Variants in SNAP91 observed in about 807,000 individuals in gnomAD.
SNAP91 encodes the protein synaptosome associated protein 91.
SNAP91 carries 27 observed loss-of-function variants against 100.3 expected under a neutral mutation model. The observed-to-expected ratio is 0.27, with a 90% confidence interval of 0.20 to 0.37. The LOEUF is 0.37. Among genes scored for constraint, SNAP91 ranks in the 10% least tolerant of loss-of-function variants. The pLI is 1.00. For synonymous variants in SNAP91, 404 were observed against 398.6 expected, an observed-to-expected ratio of 1.01 and a Z score of -0.16; for missense variants, 986 against 1,123.7, an observed-to-expected ratio of 0.88 and a Z score of 1.75.
intron 7 of SNAP91, among the ~76,000 whole-genome samples, chr6:83,651,148 T>C (rs1178388838): frequency 2.0e-5 from 3 of 152,184 alleles, no homozygotes; most frequent in African/African-American, 7.2e-5. Context: ...CTCTTTTTTT[T>C]CTTTGTCTGG....
At chr6:83,643,633 A>G (rs2097796434) in intron 7 of SNAP91, among the ~76,000 whole-genome samples, 1 of 152,208 alleles carries the variant, frequency 6.6e-6, no homozygotes, top group South Asian at 2.1e-4. Flanking sequence ...TATTTCATTC[A>G]GCATGTAATT....
At chr6:83,628,857 CTTTAG>C (rs142205869) in intron 8 of SNAP91, among the ~76,000 whole-genome samples, 6,203 of 152,054 alleles carry the variant, frequency 0.041, 173 homozygotes, top group Non-Finnish European at 0.066. Flanking sequence ...TGCAAAAATT[CTTTAG>C]TTTAATTAAG....
In SNAP91 at chr6:83,593,576, G is replaced by A. The variant is rs200557175; in HGVS notation, c.1598C>T (p.Ala533Val). ...PSPAPAVAAA[A>V]AATTAATAAA... ...GGCGGTGGCAGCAGTAGTGGCAGCA[G>A]CAGCAGCTGCAACGGCAGGAGCAGG... Residue 533 changes from alanine (A) to valine (V), a missense_variant, in exon 18 of 30, where the codon GCT (alanine) becomes GTT (valine). By Grantham distance (64) the Ala-to-Val change is moderately conservative. This residue lies in a region of SNAP91 where 575 missense variants were observed against 579.9 expected (regional missense o/e 0.99). Coordinates refer to ENST00000369694, the MANE Select transcript of SNAP91 (RefSeq NM_001242792.2). 1.9e-6 allele frequency: 3 copies of A among 1,559,220 alleles called. No individual in the cohort carries two copies. Among genetic ancestry groups the A allele is most frequent in the Admixed American group, 1.9e-5 (1 of 51,536 alleles).
In SNAP91 at chr6:83,661,563, A is replaced by G. The variant is rs372073257; in HGVS notation, c.391T>C (p.Leu131=). 48 of 1,610,992 alleles carry G rather than the reference A, an allele frequency of 3.0e-5. No homozygotes were observed. The highest frequency in any genetic ancestry group is 3.9e-5 in the Non-Finnish European group (46 of 1,178,472). The part of the protein sequence containing the change: ...STFIRRYSRY[L]NEKAFSYRQM... Reference sequence around the variant, plus strand: ...CTGTAAGAAAAAGCCTTTTCATTCAAATATCTACTATAGCGCCTTATGAAG... The same window carrying G: ...CTGTAAGAAAAAGCCTTTTCATTCAGATATCTACTATAGCGCCTTATGAAG... The change falls in exon 5 of 30, where the codon TTG becomes CTG. Residue 131 remains leucine (L), a synonymous_variant. Coordinates refer to ENST00000369694, the MANE Select transcript of SNAP91 (RefSeq NM_001242792.2).
In SNAP91 at chr6:83,571,815, C is replaced by A. The variant is rs548785635; in HGVS notation, c.2442+3195G>T. ...GATATGGTTTGGCTGTGTCACCACC[C>A]AAATCTTATCTTGAATTCCCATGTG... is the stretch of plus-strand genomic sequence containing the variant. On this transcript the variant is annotated intron_variant, in intron 26 of 29. Coordinates refer to ENST00000369694, the MANE Select transcript of SNAP91 (RefSeq NM_001242792.2). Among the ~76,000 whole-genome samples the A allele has an allele frequency of 2.6e-5, 4 of 152,256 alleles. No individual in the cohort carries two copies. The South Asian group carries it at 8.3e-4, about 32-fold the overall frequency.
chr6:83,671,085 C>G (rs1030532327), intron 2 of SNAP91, among the ~76,000 whole-genome samples: 2 of 151,908 alleles, frequency 1.3e-5, no homozygotes, highest in Non-Finnish European at 2.9e-5. Flanking sequence ...TATGTTGACC[C>G]TATAGATCAA....
chr6:83,702,942 G>GTC (rs1359100813), intron 2 of SNAP91, among the ~76,000 whole-genome samples: 1 of 151,974 alleles, frequency 6.6e-6, no homozygotes, highest in Non-Finnish European at 1.5e-5. Context: ...TGATCACATG[G>GTC]TCTCTTCTCT....
intron 12 of SNAP91, among the ~76,000 whole-genome samples, chr6:83,609,324 C>T (rs1202914612): frequency 6.6e-6 from 1 of 152,082 alleles, no homozygotes; most frequent in Non-Finnish European, 1.5e-5. Flanking sequence ...CACAATTTTA[C>T]GACACTCTAC....
intron 24 of SNAP91, among the ~76,000 whole-genome samples, chr6:83,576,709 C>T (rs1819346528): frequency 6.6e-6 from 1 of 152,194 alleles, no homozygotes; most frequent in Non-Finnish European, 1.5e-5. Flanking sequence ...TATCATCAGC[C>T]ATATATCCTT....
At chr6:83,588,333 A>G (rs1253725728) in intron 22 of SNAP91, among the ~76,000 whole-genome samples, 9 of 152,234 alleles carry the variant, frequency 5.9e-5, no homozygotes, top group Non-Finnish European at 1.5e-5. Flanking sequence ...AACTTTGCCT[A>G]TCACTGAAAG....
chr6:83,653,983 G>T (rs2128673223), intron 7 of SNAP91, among the ~76,000 whole-genome samples: 1 of 152,250 alleles, frequency 6.6e-6, no homozygotes, highest in East Asian at 1.9e-4. Flanking sequence ...GGACAAGAGT[G>T]CTCTGGCATA....
chr6:83,686,829 T>C (rs1156789743), intron 2 of SNAP91: 1 of 152,228 alleles, frequency 6.6e-6, no homozygotes, highest in Non-Finnish European at 1.5e-5. Flanking sequence ...GAATGCCAAC[T>C]TCTATAAAGC....
At chr6:83,699,953 C>G (rs2099270487) in intron 2 of SNAP91, among the ~76,000 whole-genome samples, 1 of 152,080 alleles carries the variant, frequency 6.6e-6, no homozygotes, top group Non-Finnish European at 1.5e-5. Context: ...GGATATAGTT[C>G]AAGAAAATCT....
intron 2 of SNAP91, among the ~76,000 whole-genome samples, chr6:83,667,467 A>T (rs1380850738): frequency 6.6e-6 from 1 of 152,054 alleles, no homozygotes; most frequent in African/African-American, 2.4e-5. Context: ...AAAAAGATTT[A>T]TAAAAATATA....
chr6:83,675,827 A>AACACACACACACACACACACACACAC (rs373927158), intron 2 of SNAP91, among the ~76,000 whole-genome samples: 26 of 138,286 alleles, frequency 1.9e-4, no homozygotes, highest in African/African-American at 6.2e-4. Context: ...CACTTGAAGG[A>AACACACACACACACACACACACACAC]ACACACACAC....
At chr6:83,600,270 G>A (rs1343580625) in intron 16 of SNAP91, among the ~76,000 whole-genome samples, 1 of 152,160 alleles carries the variant, frequency 6.6e-6, no homozygotes, top group African/African-American at 2.4e-5. Flanking sequence ...TTAGAGACTG[G>A]AGCATGGCAT....
intron 2 of SNAP91, among the ~76,000 whole-genome samples, chr6:83,707,076 G>T (rs1280170474): frequency 6.6e-6 from 1 of 152,160 alleles, no homozygotes; most frequent in Non-Finnish European, 1.5e-5. Context: ...ATCTAAAATT[G>T]CACCATCTCA....
At chr6:83,623,208 G>T in intron 9 of SNAP91, 93 bp downstream of exon 9, 2 of 981,922 alleles carry the variant, frequency 2.0e-6, no homozygotes, top group South Asian at 1.6e-5. Flanking sequence ...AGTTCAAAAT[G>T]CATGAAATGC....
At chr6:83,680,503 G>T (rs559351598) in intron 2 of SNAP91, among the ~76,000 whole-genome samples, 2 of 152,244 alleles carry the variant, frequency 1.3e-5, no homozygotes, top group African/African-American at 4.8e-5. Context: ...CTTCACAACT[G>T]TAGGATATTT....
Sources: gnomAD v4.1 joint callset for allele counts (sites outside exome capture counted in the v4.1 genomes callset) on GRCh38, gnomAD v4.1.1 for gene constraint, gnomAD v4.1.1 regional missense constraint, MANE v1.5 for transcripts, NCBI Gene and HGNC (gene_info 2026-07-23, HGNC 2026-07-21) for gene names.